The following LARGE1 variants were observed in gnomAD, a reference collection of about 807,000 sequenced individuals.
The protein encoded by LARGE1 is xylosyl- and glucuronyltransferase LARGE1.
A neutral mutation model predicts 87.6 loss-of-function variants in LARGE1; 43 were observed. The observed-to-expected ratio is 0.49, with a 90% CI of 0.38 to 0.63. The LOEUF is 0.63. Ranked by LOEUF, LARGE1 falls within the 30% of genes least tolerant of loss-of-function variation. LARGE1 has a pLI of 0.00. For synonymous variants in LARGE1, 434 were observed against 394.6 expected (o/e 1.10, Z -1.18); for missense variants, 802 against 1,000.2 (o/e 0.80, Z 2.67).
rs71313171 is a variant in LARGE1 at position 33,646,768 on chromosome 22, C to A, written c.408+3599G>T. ...TTTGAGACGGAGTCTCGCTCTATTG[C>A]CCAGGCTGGAGTGCAATGGCATGAC... On this transcript the variant is annotated intron_variant, in intron 3 of 14. Transcript: ENST00000397394. Among the ~76,000 whole-genome samples, 1,385 of 152,238 alleles carry A rather than the reference C, an allele frequency of 9.1e-3. 18 individuals are homozygous for A. Among genetic ancestry groups the A allele is most frequent in the Non-Finnish European group, 0.014 (969 of 68,016 alleles).
chr22:33,601,234 A>G (rs1475983), intron 5 of LARGE1, among the ~76,000 whole-genome samples: 12,950 of 152,238 alleles, frequency 0.085, 680 homozygotes, highest in African/African-American at 0.14. Context: ...GAGCAGTGGA[A>G]GGAAGAGACT....
chr22:33,899,047 C>T (rs1407174477), intron 1 of LARGE1, among the ~76,000 whole-genome samples: 2 of 152,218 alleles, frequency 1.3e-5, no homozygotes, highest in Non-Finnish European at 2.9e-5. Context: ...GGACCCCTCC[C>T]TGCAGTATGG....
intron 2 of LARGE1, among the ~76,000 whole-genome samples, chr22:33,692,939 A>C (rs960283107): frequency 2.4e-4 from 36 of 152,196 alleles, no homozygotes; most frequent in Admixed American, 2.4e-3. Flanking sequence ...ATAAAGACAC[A>C]TGCACACATA....
rs931225975 is a variant in LARGE1, at chr22:33,623,278, C to T, written c.491+2966G>A. Among the ~76,000 whole-genome samples the T allele has an allele frequency of 5.9e-4, 89 of 151,898 alleles. 1 individual carries two copies. The highest frequency in any genetic ancestry group is 4.5e-3 in the Admixed American group (68 of 15,256). On this transcript the variant is annotated intron_variant, in intron 4 of 14. Transcript: ENST00000397394. ...TGGTTTTAAGCCACAGGATGAAGGC[C>T]GTAGTACTGAAAGGAGCCTTCAAAA...
downstream of LARGE1, among the ~76,000 whole-genome samples, chr22:33,158,874 T>C (rs1921942381): frequency 6.6e-6 from 1 of 152,216 alleles, no homozygotes. Flanking sequence ...AACCCTAGGT[T>C]GTCAATAGGT....
intron 2 of LARGE1, among the ~76,000 whole-genome samples, chr22:33,759,180 C>T (rs1601545695): frequency 6.6e-6 from 1 of 152,308 alleles, no homozygotes; most frequent in South Asian, 2.1e-4. Flanking sequence ...GAAGCCTGCC[C>T]TACCTCTGAA....
At chr22:33,320,624 A>T (rs1396908203) in intron 10 of LARGE1, among the ~76,000 whole-genome samples, 2 of 152,246 alleles carry the variant, frequency 1.3e-5, no homozygotes, top group Admixed American at 6.5e-5. Flanking sequence ...TGTATACAAA[A>T]AACCTGTAAT....
intron 6 of LARGE1, among the ~76,000 whole-genome samples, chr22:33,479,739 T>A (rs370226769): frequency 1.3e-4 from 20 of 150,328 alleles, no homozygotes; most frequent in African/African-American, 4.6e-4. Flanking sequence ...CTAACAAAAG[T>A]AATGACTTTT....
chr22:33,255,791 A>T (rs771609338), intron 11 of LARGE1, among the ~76,000 whole-genome samples: 4 of 152,172 alleles, frequency 2.6e-5, no homozygotes, highest in Non-Finnish European at 5.9e-5. Context: ...ATCTTCTTTT[A>T]TCTCTGGCTA....
At chr22:33,662,484 C>T (rs1289385303) in intron 2 of LARGE1, among the ~76,000 whole-genome samples, 3 of 152,118 alleles carry the variant, frequency 2.0e-5, no homozygotes, top group African/African-American at 7.2e-5. Context: ...CCACCCCTTG[C>T]CTAGCCTTCT....
chr22:33,508,076 A>G (rs2070849948), intron 6 of LARGE1, among the ~76,000 whole-genome samples: 1 of 152,192 alleles, frequency 6.6e-6, no homozygotes, highest in Non-Finnish European at 1.5e-5. Context: ...CTCCTAATTA[A>G]CAAGACCTTG....
At chr22:33,852,841 G>A (rs1428532349) in intron 1 of LARGE1, among the ~76,000 whole-genome samples, 4 of 117,104 alleles carry the variant, frequency 3.4e-5, no homozygotes, top group South Asian at 2.9e-4. Flanking sequence ...GGGCAAGACA[G>A]CGAGACTCCG....
At chr22:33,238,768 G>C (rs1926369721) in intron 11 of LARGE1, among the ~76,000 whole-genome samples, 1 of 152,132 alleles carries the variant, frequency 6.6e-6, no homozygotes, top group South Asian at 2.1e-4. Context: ...CAAACATTAA[G>C]CATCGTATAA....
At chr22:33,435,019 G>C (rs1168703281) in intron 6 of LARGE1, among the ~76,000 whole-genome samples, 2 of 152,082 alleles carry the variant, frequency 1.3e-5, no homozygotes, top group East Asian at 3.9e-4. Context: ...TTTGTTTTTT[G>C]AGATGGAGTC....
chr22:33,800,092 G>A (rs571263585), intron 1 of LARGE1, among the ~76,000 whole-genome samples: 3 of 152,244 alleles, frequency 2.0e-5, no homozygotes, highest in South Asian at 2.1e-4. Flanking sequence ...GACTCATTCC[G>A]TTCCAAAAGT....
At chr22:33,430,450 T>G (rs1000003824) in intron 7 of LARGE1, among the ~76,000 whole-genome samples, 5 of 152,128 alleles carry the variant, frequency 3.3e-5, no homozygotes, top group African/African-American at 1.2e-4. Flanking sequence ...CTCCTCAGAC[T>G]TCCCCATCAT....
chr22:33,399,167 T>C (rs929623805), intron 7 of LARGE1, among the ~76,000 whole-genome samples: 4 of 151,622 alleles, frequency 2.6e-5, no homozygotes, highest in Non-Finnish European at 5.9e-5. Flanking sequence ...CCCCCATGTG[T>C]GATGTTCTGC....
chr22:33,756,927 G>A lies in LARGE1; in HGVS notation c.106+4444C>T, dbSNP rs574338204. Among the ~76,000 whole-genome samples, 198 of 152,292 alleles carry A rather than the reference G, an allele frequency of 1.3e-3. 2 individuals are homozygous for A. Among genetic ancestry groups the A allele is most frequent in the Non-Finnish European group, 2.2e-3 (149 of 68,028 alleles). ...AACCGAGACACGGAGTGAATGAAGG[G>A]AGACAAGGATTACTCCCAAGTTTAG... On this transcript the variant is annotated intron_variant, in intron 2 of 14. Transcript: ENST00000397394.
At chr22:33,905,060 TCC>T (rs201193603) in intron 1 of LARGE1, among the ~76,000 whole-genome samples, 1 of 148,458 alleles carries the variant, frequency 6.7e-6, no homozygotes, top group Non-Finnish European at 1.5e-5. Context: ...TTTTTTTAAT[TCC>T]TTTTTTTTTT....
Sources: allele counts gnomAD v4.1 joint callset (sites outside exome capture counted in the v4.1 genomes callset), GRCh38; gene constraint gnomAD v4.1.1; transcripts MANE v1.5; gene names NCBI Gene and HGNC (gene_info 2026-07-23, HGNC 2026-07-21).